BICDL1: variants seen among roughly 807,000 people sequenced by gnomAD.
BICDL1 encodes BICD family-like cargo adapter 1.
BICDL1 carries 20 observed loss-of-function variants against 76.8 expected under a neutral mutation model. That is an observed-to-expected ratio of 0.26 (90% CI 0.18 to 0.38). The LOEUF (loss-of-function observed/expected upper bound fraction) is 0.38, where lower values mean the gene tolerates loss of function less well. Ranked by LOEUF, BICDL1 falls within the 10% of genes least tolerant of loss-of-function variation. The pLI, the probability that BICDL1 is intolerant of heterozygous loss-of-function variation, is 1.00. For synonymous variants in BICDL1, 383 were observed against 337.1 expected, an observed-to-expected ratio of 1.14 and a Z score of -1.49; for missense variants, 700 against 798.6, an observed-to-expected ratio of 0.88 and a Z score of 1.49.
rs760026562 is a variant in BICDL1, at chr12:120,072,609, C to T, written c.1188C>T (p.Ser396=). 15 of 1,614,070 alleles carry T rather than the reference C, an allele frequency of 9.3e-6. No homozygotes were observed. Among genetic ancestry groups the T allele is most frequent in the Non-Finnish European group, 1.2e-5 (14 of 1,180,010 alleles). ...CTGACTCAGCCGTCTCCACGGACTC[C>T]TCCATGGACGAGTCTTCAGAAACCT... ...DSADSAVSTD[S]SMDESSETSS... The change falls in exon 6 of 10, where the codon TCC becomes TCT. Residue 396 remains serine, a synonymous_variant. Coordinates refer to ENST00000548673, the MANE Select transcript of BICDL1 (RefSeq NM_001367886.1).
chr12:120,019,093 A>G (rs945142308), intron 2 of BICDL1: 8 of 151,864 alleles, frequency 5.3e-5, no homozygotes, highest in Non-Finnish European at 1.0e-4. Flanking sequence ...CATGGCCTTA[A>G]TATGGTGACC....
chr12:120,037,767 C>A (rs563468380), intron 2 of BICDL1, among the ~76,000 whole-genome samples: 37 of 152,276 alleles, frequency 2.4e-4, no homozygotes, highest in African/African-American at 7.7e-4. Flanking sequence ...TTCTTTGTAG[C>A]CTGGTCTACA....
At chr12:119,999,807 A>G (rs1951724777) in intron 2 of BICDL1, 1 of 444,420 alleles carries the variant, frequency 2.3e-6, no homozygotes, top group Non-Finnish European at 4.5e-6. Context: ...CTTCTTGTAT[A>G]TTGAAAATAA....
At chr12:120,030,141 TTGTG>T (rs111870607) in intron 2 of BICDL1, among the ~76,000 whole-genome samples, 8,451 of 152,184 alleles carry the variant, frequency 0.056, 456 homozygotes, top group African/African-American at 0.14. Context: ...TGGTAACCCT[TTGTG>T]TGAGTGAGTG....
Position 120,038,522 on chromosome 12 carries a change from C to G in BICDL1, c.646-23188C>G, listed in dbSNP as rs555794646. On this transcript the variant is annotated intron_variant, in intron 2 of 9. Coordinates refer to ENST00000548673, the MANE Select transcript of BICDL1 (RefSeq NM_001367886.1). Reference sequence around the variant, plus strand: ...ACATTTGATTTCTTTTTTAAAAAGTCTCTCCCATCCCACCTGCTCACATTA... The same window carrying G: ...ACATTTGATTTCTTTTTTAAAAAGTGTCTCCCATCCCACCTGCTCACATTA... Among the ~76,000 whole-genome samples the G allele has an allele frequency of 2.0e-5, 3 of 151,908 alleles. No homozygotes were observed. The South Asian group carries it at 6.2e-4, about 31-fold the overall frequency.
At chr12:120,086,816 T>C (rs1207446745) in intron 8 of BICDL1, among the ~76,000 whole-genome samples, 1 of 152,264 alleles carries the variant, frequency 6.6e-6, no homozygotes, top group African/African-American at 2.4e-5. Context: ...GTGATTAATG[T>C]GTTGATCCTG....
intron 2 of BICDL1, among the ~76,000 whole-genome samples, chr12:120,049,464 G>T (rs922307663): frequency 2.7e-4 from 41 of 152,230 alleles, no homozygotes; most frequent in African/African-American, 9.4e-4. Context: ...ATTTGTGGTC[G>T]TTAGGGGAAC....
intron 9 of BICDL1, 39 bp from the exon 10 acceptor site, chr12:120,092,961 A>C: frequency 6.6e-7 from 1 of 1,508,646 alleles, no homozygotes; most frequent in Non-Finnish European, 8.9e-7. Flanking sequence ...AGGTGAGAGC[A>C]GCTACTCAGT....
chr12:120,058,613 CAG>C (rs1427536169), intron 2 of BICDL1, among the ~76,000 whole-genome samples: 1 of 138,942 alleles, frequency 7.2e-6, no homozygotes, highest in Non-Finnish European at 1.5e-5. Context: ...TTTTTTGAGA[CAG>C]AGTCTTGCCC....
At chr12:120,016,139 T>C (rs919761777) in intron 2 of BICDL1, among the ~76,000 whole-genome samples, 1 of 152,262 alleles carries the variant, frequency 6.6e-6, no homozygotes, top group Non-Finnish European at 1.5e-5. Context: ...ATATTTCATA[T>C]AAATGGAATC....
chr12:120,072,690 G>A lies in BICDL1; in HGVS notation c.1269G>A (p.Lys423=). The part of the protein sequence containing the change: ...GSLRTALNEL[K]RLIQSIVDGM... ...TGCGCACTGCCCTCAATGAGCTCAAGAGACTGATACAGAGCATTGTGGATG... is the reference window on the plus strand; with the variant it reads ...TGCGCACTGCCCTCAATGAGCTCAAAAGACTGATACAGAGCATTGTGGATG... Residue 423 remains lysine, a synonymous_variant, in exon 6 of 10, where the codon AAG becomes AAA. Coordinates refer to ENST00000548673, the MANE Select transcript of BICDL1 (RefSeq NM_001367886.1). 6.2e-7 allele frequency: 1 copy of A among 1,613,846 alleles called. No individual in the cohort carries two copies. The highest frequency in any genetic ancestry group is 8.5e-7 in the Non-Finnish European group (1 of 1,180,050).
At chr12:120,042,165 C>T (rs1436646130) in intron 2 of BICDL1, among the ~76,000 whole-genome samples, 1 of 152,010 alleles carries the variant, frequency 6.6e-6, no homozygotes, top group Non-Finnish European at 1.5e-5. Flanking sequence ...TAATTTTACT[C>T]GATAAATCTC....
At chr12:120,008,122 G>A (rs1265485669) in intron 2 of BICDL1, among the ~76,000 whole-genome samples, 4 of 144,498 alleles carry the variant, frequency 2.8e-5, no homozygotes, top group African/African-American at 1.0e-4. Flanking sequence ...ATTCCTGCCT[G>A]TGATGGAAGT....
At chr12:120,090,836 C>T (rs1874897602) in intron 9 of BICDL1, 1 of 1,259,362 alleles carries the variant, frequency 7.9e-7, no homozygotes, top group Non-Finnish European at 1.0e-6. Context: ...GTCCCTGGCT[C>T]CTTGGCTCCT....
intron 2 of BICDL1, among the ~76,000 whole-genome samples, chr12:120,022,539 C>G (rs1952206556): frequency 6.7e-6 from 1 of 149,940 alleles, no homozygotes; most frequent in Non-Finnish European, 1.5e-5. Context: ...AAAACAAATG[C>G]AATGTTTGGA....
Position 119,990,385 on chromosome 12 carries a change from C to G in BICDL1, c.429+88C>G. ...GGGCAGTTAGGGAACCACTCACCCC[C>G]ACTTCGTTGCTCACCCTACCTCGCA... is the stretch of plus-strand genomic sequence containing the variant. On this transcript the variant is annotated intron_variant, in intron 1 of 9. Coordinates refer to ENST00000548673, the MANE Select transcript of BICDL1 (RefSeq NM_001367886.1). 4 of 1,507,576 alleles carry G rather than the reference C, an allele frequency of 2.7e-6. No individual in the cohort carries two copies. In the South Asian group the frequency reaches 3.9e-5, roughly 15 times the overall value. The allele number at this position is 1,507,576 out of a possible 1,614,324, so 93.4% of individuals were successfully genotyped here.
rs1218771246 is a variant in BICDL1, at chr12:120,071,005, C to G, written c.910-617C>G. Among the ~76,000 whole-genome samples the G allele has an allele frequency of 6.6e-6, 1 of 152,124 alleles. No homozygotes were observed. Among genetic ancestry groups the G allele is most frequent in the Non-Finnish European group, 1.5e-5 (1 of 68,022 alleles). On this transcript the variant is annotated intron_variant, in intron 4 of 9. Coordinates refer to ENST00000548673, the MANE Select transcript of BICDL1 (RefSeq NM_001367886.1). The surrounding 1 kb of genome is among the most constrained non-coding windows in gnomAD (Gnocchi z 4.8). ...TTGGCCTTCCAAAATGCTGGTGTTA[C>G]AGGCGTGAGCCACCACGCCCGGCCT...
chr12:120,081,085 A>AT (rs1293704124), intron 8 of BICDL1, 68 bp downstream of exon 8: 3 of 1,498,882 alleles, frequency 2.0e-6, no homozygotes, highest in African/African-American at 1.4e-5. Context: ...CATATGCTCA[A>AT]TTTTTTAAAT....
chr12:120,055,416 G>A (rs866593044), intron 2 of BICDL1, among the ~76,000 whole-genome samples: 5 of 152,158 alleles, frequency 3.3e-5, no homozygotes, highest in African/African-American at 9.7e-5. Context: ...ATGTCCACAA[G>A]CAAAGTAATG....
Sources: allele counts gnomAD v4.1 joint callset (sites outside exome capture counted in the v4.1 genomes callset), GRCh38; gene constraint gnomAD v4.1.1; non-coding constraint Gnocchi (gnomAD v3.1); transcripts MANE v1.5; gene names NCBI Gene and HGNC (gene_info 2026-07-23, HGNC 2026-07-21).